SH3BP4: variants seen among roughly 807,000 people sequenced by gnomAD.
The protein encoded by SH3BP4 is SH3 domain binding protein 4.
A neutral mutation model predicts 65.5 loss-of-function variants in SH3BP4; 33 were observed. The ratio of observed to expected loss-of-function variants is 0.50; its 90% CI spans 0.38 to 0.67. SH3BP4 has a LOEUF of 0.67. Ranked by LOEUF, SH3BP4 falls within the 30% of genes least tolerant of loss-of-function variation. SH3BP4 has a pLI of 0.00. For missense variants in SH3BP4, 1,134 were observed against 1,261.4 expected, an observed-to-expected ratio of 0.90 and a Z score of 1.53; for synonymous variants, 552 against 545.5, an observed-to-expected ratio of 1.01 and a Z score of -0.17.
chr2:235,050,928 G>A (rs781223372), intron 4 of SH3BP4, among the ~76,000 whole-genome samples: 2 of 152,132 alleles, frequency 1.3e-5, no homozygotes, highest in Non-Finnish European at 2.9e-5. Context: ...GAGAAAGAAC[G>A]CCAGGACTGG....
intron 2 of SH3BP4, among the ~76,000 whole-genome samples, chr2:235,024,788 A>G (rs1574829844): frequency 6.6e-6 from 1 of 152,198 alleles, no homozygotes; most frequent in South Asian, 2.1e-4. Context: ...ATAAAGAAGT[A>G]TTAATAACAG....
chr2:235,043,072 G>A lies in SH3BP4; in HGVS notation c.2303G>A (p.Ser768Asn), dbSNP rs761300251. The change falls in exon 4 of 6, where the codon AGC (serine) becomes AAC (asparagine). Residue 768 changes from serine to asparagine, a missense_variant. Ser to Asn is a conservative substitution (Grantham distance 46). Transcript: ENST00000392011. The stretch of plus-strand genomic sequence containing the variant: ...ACCCTGCTCATGGAGAACATCAGCA[G>A]CTGGCGCTCCTTCGCTGACGCCCTG... ...VRTLLMENIS[S>N]WRSFADALGY... 6.2e-7 allele frequency: 1 copy of A among 1,613,370 alleles called. No homozygotes were observed. Among genetic ancestry groups the A allele is most frequent in the South Asian group, 1.1e-5 (1 of 90,992 alleles).
chr2:235,047,366 G>C (rs1695897997), intron 4 of SH3BP4, among the ~76,000 whole-genome samples: 1 of 152,186 alleles, frequency 6.6e-6, no homozygotes, highest in Admixed American at 6.5e-5. Context: ...TGCGTCAGAG[G>C]CGAAGCAGGG....
At chr2:234,984,414 G>T (rs559468554) in intron 1 of SH3BP4, among the ~76,000 whole-genome samples, 1 of 151,092 alleles carries the variant, frequency 6.6e-6, no homozygotes, top group South Asian at 2.1e-4. Context: ...TTGCTGTATT[G>T]CCCGGGCTGG....
At chr2:234,996,045 G>A (rs1193667625) in intron 2 of SH3BP4, 2 of 152,252 alleles carry the variant, frequency 1.3e-5, no homozygotes, top group African/African-American at 4.8e-5. Flanking sequence ...GTTGGCAATA[G>A]AAGGAACACC....
intron 1 of SH3BP4, among the ~76,000 whole-genome samples, chr2:234,959,073 T>G (rs1201683066): frequency 6.6e-6 from 1 of 152,104 alleles, no homozygotes; most frequent in Non-Finnish European, 1.5e-5. Flanking sequence ...CCCAAATGCT[T>G]TCTCAGATCA....
At position 234,991,976 on chromosome 2, in the gene SH3BP4, CT is replaced by C. The variant is rs1443543909; in HGVS notation, c.-206-3326del. Among the ~76,000 whole-genome samples the C allele has an allele frequency of 6.6e-6, 1 of 152,244 alleles. No homozygotes were observed. The highest frequency in any genetic ancestry group is 1.5e-5 in the Non-Finnish European group (1 of 68,034). Reference sequence around the variant, plus strand: ...GGTATGAGTTTACCCAATCATCCCCCTGTCCAGGGAGCCTGCCGGGCTCAGC... The same window carrying C: ...GGTATGAGTTTACCCAATCATCCCCCGTCCAGGGAGCCTGCCGGGCTCAGC... On this transcript the variant is annotated intron_variant, in intron 1 of 5. Coordinates refer to ENST00000392011, the MANE Select transcript of SH3BP4 (RefSeq NM_014521.3). The surrounding 1 kb of genome is among the most constrained non-coding windows in gnomAD (Gnocchi z 4.2).
At position 234,952,268 on chromosome 2, in the gene SH3BP4, C is replaced by G. The variant is rs919846544; in HGVS notation, c.-207+98C>G. ...CGGGGGCTTTGCACTCCCTTGCGGG[C>G]GCAGATCGTGCCGCGGGCGCCGATC... On this transcript the variant is annotated intron_variant, in intron 1 of 5. Transcript: ENST00000392011. This position sits in a 1 kb window ranked among gnomAD's most constrained non-coding sequence, Gnocchi z 6.5. 1.3e-4 allele frequency: 20 copies of G among 150,496 alleles called. No homozygotes were observed. The highest frequency in any genetic ancestry group is 1.2e-3 in the Admixed American group (18 of 15,118). 9.3% of individuals were successfully genotyped at this position (150,496 alleles called of 1,614,324 possible).
intron 2 of SH3BP4, among the ~76,000 whole-genome samples, chr2:235,004,036 G>T (rs948435716): frequency 6.6e-6 from 1 of 152,224 alleles, no homozygotes; most frequent in African/African-American, 2.4e-5. Flanking sequence ...CTGTCACTCG[G>T]TGAAGTTTGC....
At chr2:234,970,128 T>TAC (rs532643196) in intron 1 of SH3BP4, among the ~76,000 whole-genome samples, 1 of 151,432 alleles carries the variant, frequency 6.6e-6, no homozygotes, top group Non-Finnish European at 1.5e-5. Context: ...CTCACACTCT[T>TAC]ACACACACAC....
At chr2:234,957,852 C>T (rs1161317472) in intron 1 of SH3BP4, among the ~76,000 whole-genome samples, 1 of 151,924 alleles carries the variant, frequency 6.6e-6, no homozygotes, top group Non-Finnish European at 1.5e-5. Flanking sequence ...GTGAGATCTC[C>T]CTTGCAGAGC....
Position 235,026,737 on chromosome 2 carries a change from T to C in SH3BP4, c.-132-8134T>C, listed in dbSNP as rs1182685468. ...GCCCTCGTTCCTCATTTTTTCACCC[T>C]GTGGCGTGGTCTTGGCTCTGAATAA... On this transcript the variant is annotated intron_variant, in intron 2 of 5. Transcript: ENST00000392011. The surrounding 1 kb of genome is among the most constrained non-coding windows in gnomAD (Gnocchi z 4.6). 6.6e-6 allele frequency among the ~76,000 whole-genome samples: 1 copy of C among 152,140 alleles called. No individual in the cohort carries two copies. Among genetic ancestry groups the C allele is most frequent in the East Asian group, 1.9e-4 (1 of 5,178 alleles).
At chr2:235,047,444 G>C (rs112927965) in intron 4 of SH3BP4, among the ~76,000 whole-genome samples, 1 of 152,218 alleles carries the variant, frequency 6.6e-6, no homozygotes, top group Non-Finnish European at 1.5e-5. Context: ...GTGGGCTCCC[G>C]TCAGGCAAAG....
chr2:235,002,018 A>T (rs1221454638), intron 2 of SH3BP4, among the ~76,000 whole-genome samples: 1 of 151,176 alleles, frequency 6.6e-6, no homozygotes, highest in Non-Finnish European at 1.5e-5. Context: ...GCGCCACCAC[A>T]CCTGGCTAAT....
Position 235,010,812 on chromosome 2 carries a change from T to TCGTAGAACCCTTCCTCAC in SH3BP4, c.-133+15436_-133+15437insCGTAGAACCCTTCCTCAC, listed in dbSNP as rs1559242837. 2.4e-3 allele frequency among the ~76,000 whole-genome samples: 222 copies of TCGTAGAACCCTTCCTCAC among 93,082 alleles called. 1 individual carries two copies. The highest frequency in any genetic ancestry group is 6.8e-3 in the Middle Eastern group (1 of 146). The allele number at this position is 93,082 out of a possible 152,430, so 61.1% of individuals were successfully genotyped here. On this transcript the variant is annotated intron_variant, in intron 2 of 5. Transcript: ENST00000392011. ...CTCCTAGGAGAAACCTTCCTCCCTCTTCTAGAACCCTTCCTCCCTCTCCTA... is the reference window on the plus strand; with the variant it reads ...CTCCTAGGAGAAACCTTCCTCCCTCTCGTAGAACCCTTCCTCACTCTAGAACCCTTCCTCCCTCTCCTA...
At chr2:235,004,847 A>G (rs1017290313) in intron 2 of SH3BP4, among the ~76,000 whole-genome samples, 1 of 152,086 alleles carries the variant, frequency 6.6e-6, no homozygotes, top group Admixed American at 6.5e-5. Flanking sequence ...CATGTATTTG[A>G]TGGTCTAATT....
intron 1 of SH3BP4, among the ~76,000 whole-genome samples, chr2:234,989,952 A>G (rs556886318): frequency 6.6e-6 from 1 of 152,320 alleles, no homozygotes; most frequent in African/African-American, 2.4e-5. Context: ...CACCAACGTG[A>G]TGCCACAAGT....
At chr2:235,006,937 G>C (rs899417061) in intron 2 of SH3BP4, among the ~76,000 whole-genome samples, 1 of 152,128 alleles carries the variant, frequency 6.6e-6, no homozygotes, top group Non-Finnish European at 1.5e-5. Context: ...TGTGTCCTTA[G>C]ACAAGTTCAT....
At position 235,036,756 on chromosome 2, in the gene SH3BP4, A is replaced by AATAATAATAATAATG. The variant is rs1473227724; in HGVS notation, c.118+1638_118+1639insAATAATAATAATGAT. ...CTATATAAAAAATAATAATAATAAT[A>AATAATAATAATAATG]ATGACAGTGCTCTGGAGGAAATATT... On this transcript the variant is annotated intron_variant, in intron 3 of 5. Coordinates refer to ENST00000392011, the MANE Select transcript of SH3BP4 (RefSeq NM_014521.3). Among the ~76,000 whole-genome samples, 7 of 151,402 alleles carry AATAATAATAATAATG rather than the reference A, an allele frequency of 4.6e-5. No individual in the cohort carries two copies. In the East Asian group the frequency reaches 1.4e-3, roughly 29 times the overall value.
Sources: gnomAD v4.1 joint callset for allele counts (sites outside exome capture counted in the v4.1 genomes callset) on GRCh38, gnomAD v4.1.1 for gene constraint, Gnocchi (gnomAD v3.1) non-coding constraint, MANE v1.5 for transcripts, NCBI Gene and HGNC (gene_info 2026-07-23, HGNC 2026-07-21) for gene names.